POLK: variants seen among roughly 807,000 people sequenced by gnomAD.
POLK encodes polymerase (DNA directed) kappa.
In POLK, 76 loss-of-function variants were observed where a neutral mutation model predicts 94.0. The ratio of observed to expected loss-of-function variants is 0.81; its 90% CI spans 0.67 to 0.98. POLK has a LOEUF of 0.98. POLK is among the 50% of genes least tolerant of loss of function. The pLI is 0.00. For synonymous variants in POLK, 349 were observed against 325.4 expected (o/e 1.07, Z -0.78); for missense variants, 954 against 1,010.1 (o/e 0.94, Z 0.75).
At chr5:75,542,720 C>T (rs183418109) in intron 1 of POLK, among the ~76,000 whole-genome samples, 10 of 145,986 alleles carry the variant, frequency 6.8e-5, no homozygotes, top group African/African-American at 2.3e-4. Context: ...TTTTTTGAGG[C>T]GGAGTCTTAC....
At chr5:75,589,831 C>A (rs779040622) in intron 10 of POLK, among the ~76,000 whole-genome samples, 10 of 152,114 alleles carry the variant, frequency 6.6e-5, no homozygotes, top group African/African-American at 2.4e-4. Context: ...CAGATGAATT[C>A]AAAATACCTA....
At chr5:75,552,711 C>T (rs1008827278) in intron 3 of POLK, 120 bp downstream of exon 3, 1 of 1,012,062 alleles carries the variant, frequency 9.9e-7, no homozygotes, top group Non-Finnish European at 1.5e-6. Flanking sequence ...TATTGTAAAG[C>T]ATACATATTC....
At chr5:75,532,741 C>T (rs1769245312) in intron 1 of POLK, among the ~76,000 whole-genome samples, 1 of 152,146 alleles carries the variant, frequency 6.6e-6, no homozygotes, top group African/African-American at 2.4e-5. Context: ...ACAACTTTGC[C>T]AGCATCTGTT....
intron 1 of POLK, among the ~76,000 whole-genome samples, chr5:75,514,415 T>A (rs528597043): frequency 5.5e-4 from 84 of 152,290 alleles, no homozygotes; most frequent in Admixed American, 7.8e-4. Context: ...CTAACATGAT[T>A]AAAATTGGTC....
intron 1 of POLK, among the ~76,000 whole-genome samples, chr5:75,527,463 G>C (rs1768915422): frequency 6.7e-6 from 1 of 149,622 alleles, no homozygotes; most frequent in Admixed American, 6.7e-5. Flanking sequence ...CTGGGTGACA[G>C]AGTGAGACCC....
At chr5:75,512,025 C>T in intron 1 of POLK, 111 bp downstream of exon 1, 1 of 511,650 alleles carries the variant, frequency 2.0e-6, no homozygotes, top group Admixed American at 3.7e-5. Flanking sequence ...CTATCCTTGC[C>T]TTGTGTGTTT....
At chr5:75,593,809 C>A in intron 11 of POLK, 69 bp from the exon 12 acceptor site, 1 of 950,152 alleles carries the variant, frequency 1.1e-6, no homozygotes, top group Non-Finnish European at 1.5e-6. Context: ...TGCCAGCGCA[C>A]TCCAGCATGG....
chr5:75,549,473 A>G (rs1770229074), intron 2 of POLK, among the ~76,000 whole-genome samples: 1 of 151,986 alleles, frequency 6.6e-6, no homozygotes, highest in South Asian at 2.1e-4. Flanking sequence ...TTTCAAGAAT[A>G]TCTTGAGTAT....
At chr5:75,551,720 A>T (rs1770344828) in intron 2 of POLK, among the ~76,000 whole-genome samples, 1 of 152,190 alleles carries the variant, frequency 6.6e-6, no homozygotes, top group Admixed American at 6.5e-5. Flanking sequence ...ACAGTAACAA[A>T]TGTTGGCAAG....
rs1216444575 is a variant in POLK, at chr5:75,511,861, G to C, written c.-67G>C. 7.2e-6 allele frequency: 11 copies of C among 1,532,594 alleles called. No individual in the cohort carries two copies. In the African/African-American group the frequency reaches 1.1e-4, roughly 15 times the overall value. 94.9% of individuals were successfully genotyped at this position (1,532,594 alleles called of 1,614,324 possible). On this transcript the variant is annotated 5_prime_UTR_variant, in exon 1 of 15. Coordinates refer to ENST00000241436, the Ensembl canonical transcript of POLK. ...GTGCTGCATTCTGGGAAGGGCGTTG[G>C]TCCGTCGCTCGCGCAGCCTCCTGGG...
At chr5:75,553,562 T>C (rs571416379) in intron 3 of POLK, among the ~76,000 whole-genome samples, 1 of 152,356 alleles carries the variant, frequency 6.6e-6, no homozygotes, top group East Asian at 1.9e-4. Flanking sequence ...TATCATCATT[T>C]TTAATGCTTC....
At chr5:75,601,320 C>T (rs996015986), downstream of POLK, among the ~76,000 whole-genome samples, 1 of 152,158 alleles carries the variant, frequency 6.6e-6, no homozygotes, top group Admixed American at 6.6e-5. Flanking sequence ...CAGCCTCAAT[C>T]AGTATTTGGT....
At chr5:75,564,924 C>T (rs533135123) in intron 3 of POLK, among the ~76,000 whole-genome samples, 10 of 152,180 alleles carry the variant, frequency 6.6e-5, no homozygotes, top group East Asian at 5.8e-4. Flanking sequence ...TGAGTGTTGG[C>T]GTTTCTTGCT....
intron 1 of POLK, among the ~76,000 whole-genome samples, chr5:75,527,397 G>A (rs1768911893): frequency 1.3e-5 from 2 of 151,492 alleles, no homozygotes; most frequent in Admixed American, 1.3e-4. Flanking sequence ...GTGCACGCCT[G>A]TGGTCCCAGC....
Position 75,581,464 on chromosome 5 carries a change from T to G in POLK, c.934+16T>G. The G allele has an allele frequency of 6.2e-7, 1 of 1,606,392 alleles. No individual in the cohort carries two copies. On this transcript the variant is annotated intron_variant, in intron 7 of 14. Coordinates refer to ENST00000241436, the Ensembl canonical transcript of POLK. ...GCCAGTGCAGGTATTTAAAAGAGTA[T>G]TGATGGCCACTGTAGTTATAATTTT...
At chr5:75,549,152 T>C (rs1200103046) in intron 2 of POLK, among the ~76,000 whole-genome samples, 1 of 152,140 alleles carries the variant, frequency 6.6e-6, no homozygotes, top group Non-Finnish European at 1.5e-5. Flanking sequence ...TTTTTTGATA[T>C]TTTCATCATA....
intron 3 of POLK, among the ~76,000 whole-genome samples, chr5:75,560,025 C>T (rs1342415647): frequency 6.6e-6 from 1 of 152,078 alleles, no homozygotes; most frequent in African/African-American, 2.4e-5. Flanking sequence ...GAGTGTATTT[C>T]AACATTACAG....
At chr5:75,511,804 G>T in exon 1 of POLK, 3 of 1,551,532 alleles carry the variant, frequency 1.9e-6, no homozygotes, top group Non-Finnish European at 2.6e-6. Flanking sequence ...AGGAGGAGCG[G>T]AGAAAGGAGA....
chr5:75,511,490 A>T, upstream of POLK: 1 of 1,498,700 alleles, frequency 6.7e-7, no homozygotes. Context: ...CGGCGCTGCC[A>T]CCCGAACTTA....
Sources: allele counts gnomAD v4.1 joint callset (sites outside exome capture counted in the v4.1 genomes callset), GRCh38; gene constraint gnomAD v4.1.1; transcripts MANE v1.5; gene names NCBI Gene and HGNC (gene_info 2026-07-23, HGNC 2026-07-21).